The following PLBD1 variants were observed in gnomAD, a reference collection of about 807,000 sequenced individuals.
PLBD1 encodes the protein phospholipase B domain containing 1.
In PLBD1, 60 loss-of-function variants were observed where a neutral mutation model predicts 63.0. The observed-to-expected ratio is 0.95, with a 90% confidence interval of 0.77 to 1.18. The LOEUF is 1.18. Among genes scored for constraint, PLBD1 ranks in the 50% most tolerant of loss-of-function variants. The pLI is 0.00. For missense variants in PLBD1, 598 were observed against 677.9 expected, an observed-to-expected ratio of 0.88 and a Z score of 1.31; for synonymous variants, 262 against 248.0, an observed-to-expected ratio of 1.06 and a Z score of -0.53.
intron 4 of PLBD1, among the ~76,000 whole-genome samples, chr12:14,537,629 T>C (rs1035866828): frequency 6.6e-6 from 1 of 152,218 alleles, no homozygotes; most frequent in African/African-American, 2.4e-5. Flanking sequence ...TTGTGCAAAC[T>C]GGAGAGCACG....
intron 1 of PLBD1, among the ~76,000 whole-genome samples, chr12:14,556,633 T>C (rs1471138865): frequency 1.3e-5 from 2 of 151,440 alleles, no homozygotes; most frequent in Admixed American, 6.6e-5. Flanking sequence ...CCTCCCAAAG[T>C]GCTTGGATTA....
chr12:14,567,806 G>A lies in PLBD1; in HGVS notation c.-110C>T. ...CTACTCAGGGGCGCCGCCTCTCCGA[G>A]GTGGGGCGTCCTCAACTTTCCTCTT... On this transcript the variant is annotated 5_prime_UTR_variant, in exon 1 of 11. Transcript: ENST00000240617. 1 of 1,316,780 alleles carries A rather than the reference G, an allele frequency of 7.6e-7. No homozygotes were observed. The highest frequency in any genetic ancestry group is 9.7e-7 in the Non-Finnish European group (1 of 1,028,720). The allele number at this position is 1,316,780 out of a possible 1,614,324, so 81.6% of individuals were successfully genotyped here. A position where few individuals can be genotyped will look rare whatever the true frequency, so the allele number is the denominator to read the frequency against.
intron 6 of PLBD1, among the ~76,000 whole-genome samples, chr12:14,529,380 A>T (rs188750142): frequency 1.8e-4 from 27 of 152,268 alleles, no homozygotes; most frequent in African/African-American, 6.0e-4. Context: ...AAATGAAAAA[A>T]ATCATTAACA....
At chr12:14,512,875 C>G (rs2136906594) in intron 6 of PLBD1, among the ~76,000 whole-genome samples, 1 of 152,282 alleles carries the variant, frequency 6.6e-6, no homozygotes, top group African/African-American at 2.4e-5. Context: ...AAGGCACTGT[C>G]TACGAGAAAC....
At chr12:14,541,024 C>A in intron 3 of PLBD1, 122 bp from the exon 4 acceptor site, 1 of 1,064,312 alleles carries the variant, frequency 9.4e-7, no homozygotes, top group Non-Finnish European at 1.3e-6. Context: ...AATTCTAGAT[C>A]TTGTAACACT....
intron 2 of PLBD1, among the ~76,000 whole-genome samples, chr12:14,545,196 C>A (rs1274573390): frequency 6.6e-6 from 1 of 152,210 alleles, no homozygotes; most frequent in African/African-American, 2.4e-5. Context: ...ACCCCACACC[C>A]CCAAGCTTAC....
At chr12:14,563,410 C>T (rs1314379038) in intron 1 of PLBD1, among the ~76,000 whole-genome samples, 2 of 151,994 alleles carry the variant, frequency 1.3e-5, no homozygotes, top group African/African-American at 2.4e-5. Context: ...CCCAGTTACT[C>T]GGGAGGCTGA....
intron 6 of PLBD1, among the ~76,000 whole-genome samples, chr12:14,518,761 C>T (rs1945353694): frequency 6.6e-6 from 1 of 152,060 alleles, no homozygotes; most frequent in South Asian, 2.1e-4. Context: ...TGTGCTCATC[C>T]TGGGACACAG....
rs560045945 is a variant in PLBD1, at chr12:14,524,250, C to A, written c.844+11409G>T. ...GGTATTCTATTGCACAGTAGGCTTA[C>A]TATAGTTAACAATACTATATTATAT... is the stretch of plus-strand genomic sequence containing the variant. On this transcript the variant is annotated intron_variant, in intron 6 of 10. Transcript: ENST00000240617. 6.2e-4 allele frequency among the ~76,000 whole-genome samples: 94 copies of A among 152,118 alleles called. 1 individual carries two copies. Among genetic ancestry groups the A allele is most frequent in the African/African-American group, 2.2e-3 (92 of 41,504 alleles).
chr12:14,507,190 G>T (rs1198120256), intron 8 of PLBD1, 72 bp from the exon 9 acceptor site: 5 of 1,145,912 alleles, frequency 4.4e-6, no homozygotes, highest in Admixed American at 4.4e-5. Flanking sequence ...GAGAGCAAAA[G>T]AAATGTTATC....
intron 6 of PLBD1, among the ~76,000 whole-genome samples, chr12:14,518,219 GCA>G (rs963945947): frequency 9.2e-5 from 14 of 152,124 alleles, no homozygotes; most frequent in Non-Finnish European, 2.9e-5. Context: ...AACAAAATGT[GCA>G]CAGTGTCAGG....
chr12:14,540,110 T>TA lies in PLBD1; in HGVS notation c.558+653_558+654insT, dbSNP rs1565577674. Among the ~76,000 whole-genome samples, 888 of 91,764 alleles carry TA rather than the reference T, an allele frequency of 9.7e-3. 68 individuals carry two copies. The highest frequency in any genetic ancestry group is 0.036 in the African/African-American group (834 of 23,030). The allele number at this position is 91,764 out of a possible 152,430, so 60.2% of individuals were successfully genotyped here. On this transcript the variant is annotated intron_variant, in intron 4 of 10. Transcript: ENST00000240617. ...GAGAGTTATATAATATAAATATTAT[T>TA]TATATATATATATATATATATACTG...
intron 6 of PLBD1, among the ~76,000 whole-genome samples, chr12:14,528,563 C>A (rs867747589): frequency 1.2e-3 from 177 of 151,912 alleles, no homozygotes; most frequent in African/African-American, 4.2e-3. Flanking sequence ...CAAAATATAC[C>A]AAAATTTGTC....
At chr12:14,553,441 C>T (rs769571187) in intron 1 of PLBD1, 29 bp from the exon 2 acceptor site, 64 of 1,565,054 alleles carry the variant, frequency 4.1e-5, no homozygotes, top group Non-Finnish European at 4.9e-5. Context: ...ATGACAAAAA[C>T]GCCATTCAAA....
chr12:14,553,473 C>A lies in PLBD1; in HGVS notation c.116-61G>T. On this transcript the variant is annotated intron_variant, in intron 1 of 10. Coordinates refer to ENST00000240617, the MANE Select transcript of PLBD1 (RefSeq NM_024829.6). ...CAAATGAGTTGTGATGCATTTTTTTCCTATGTATCCAACAATTTCAAGACG... is the reference window on the plus strand; with the variant it reads ...CAAATGAGTTGTGATGCATTTTTTTACTATGTATCCAACAATTTCAAGACG... 4.7e-6 allele frequency: 6 copies of A among 1,273,414 alleles called. No individual in the cohort carries two copies. The South Asian group carries it at 4.9e-5, about 10-fold the overall frequency. The allele number at this position is 1,273,414 out of a possible 1,614,324, so 78.9% of individuals were successfully genotyped here. A position where few individuals can be genotyped will look rare whatever the true frequency, so the allele number is the denominator to read the frequency against.
At chr12:14,565,023 G>A (rs79073558) in intron 1 of PLBD1, among the ~76,000 whole-genome samples, 1,547 of 152,158 alleles carry the variant, frequency 0.01, 38 homozygotes, top group African/African-American at 0.036. Flanking sequence ...ATCAATTATG[G>A]GGCTTTTGGT....
intron 6 of PLBD1, among the ~76,000 whole-genome samples, chr12:14,512,821 G>C (rs11056003): frequency 1.3e-5 from 2 of 152,106 alleles, no homozygotes; most frequent in Non-Finnish European, 2.9e-5. Flanking sequence ...AAACAGTCCC[G>C]AGGGAGCTAG....
At chr12:14,563,945 A>C (rs923684766) in intron 1 of PLBD1, among the ~76,000 whole-genome samples, 2 of 152,218 alleles carry the variant, frequency 1.3e-5, no homozygotes, top group African/African-American at 4.8e-5. Context: ...TGGAAATAAG[A>C]ATGTCCTCAG....
intron 5 of PLBD1, chr12:14,536,131 A>G (rs1945512082): frequency 7.7e-6 from 2 of 261,056 alleles, no homozygotes; most frequent in Admixed American, 5.2e-5. Context: ...CCCTGTCTAA[A>G]CCAAAAATAC....
Sources: allele counts gnomAD v4.1 joint callset (sites outside exome capture counted in the v4.1 genomes callset), GRCh38; gene constraint gnomAD v4.1.1; transcripts MANE v1.5; gene names NCBI Gene and HGNC (gene_info 2026-07-23, HGNC 2026-07-21).